The following CACNA2D1 variants were observed in gnomAD, a reference collection of about 807,000 sequenced individuals.
CACNA2D1 encodes calcium voltage-gated channel auxiliary subunit alpha2delta 1, also known as voltage-dependent calcium channel subunit alpha-2/delta-1.
A neutral mutation model predicts 171.5 loss-of-function variants in CACNA2D1; 53 were observed. The ratio of observed to expected loss-of-function variants is 0.31; its 90% CI spans 0.25 to 0.39. CACNA2D1 has a LOEUF of 0.39. CACNA2D1 is among the 10% of genes least tolerant of loss of function. The probability of loss-of-function intolerance (pLI) is 1.00; values close to 1 mark genes in which losing one functional copy is unlikely to be tolerated. For synonymous variants in CACNA2D1, 442 were observed against 443.1 expected, an observed-to-expected ratio of 1.00 and a Z score of 0.03; for missense variants, 903 against 1,299.8, an observed-to-expected ratio of 0.69 and a Z score of 4.69.
intron 3 of CACNA2D1, among the ~76,000 whole-genome samples, chr7:82,225,089 T>A (rs1396091826): frequency 6.6e-6 from 1 of 151,990 alleles, no homozygotes; most frequent in Non-Finnish European, 1.5e-5. Flanking sequence ...AGAAAAAGGG[T>A]CAAATGTAGA....
Position 81,961,978 on chromosome 7 carries a change from C to T in CACNA2D1, c.2882G>A (p.Ser961Asn), listed in dbSNP as rs766113013. ...DDFTASLSKQ[S>N]CITEQTQYFF... The stretch of plus-strand genomic sequence containing the variant: ...ATACTGGGTTTGTTCAGTAATGCAG[C>T]TCTGCTTGGACAGGGAGGCCGTGAA... The change falls in exon 36 of 39, where the codon AGC becomes AAC. Residue 961 changes from serine (S) to asparagine (N), a missense_variant. By Grantham distance (46) the Ser-to-Asn change is conservative. This residue lies in a region of CACNA2D1 where 623 missense variants were observed against 925.5 expected (regional missense o/e 0.67). Transcript: ENST00000356860. The T allele has an allele frequency of 1.2e-6, 2 of 1,612,434 alleles. No individual in the cohort carries two copies. Among genetic ancestry groups the T allele is most frequent in the South Asian group, 2.2e-5 (2 of 91,042 alleles).
chr7:82,037,242 G>A (rs568359480), intron 11 of CACNA2D1, among the ~76,000 whole-genome samples: 6 of 152,308 alleles, frequency 3.9e-5, no homozygotes, highest in African/African-American at 1.4e-4. Flanking sequence ...ACATTGGGAG[G>A]CCAAGGCGGG....
At chr7:82,080,597 T>C (rs752297287) in intron 7 of CACNA2D1, among the ~76,000 whole-genome samples, 3 of 152,212 alleles carry the variant, frequency 2.0e-5, no homozygotes, top group Non-Finnish European at 4.4e-5. Context: ...ATCACAAATA[T>C]TGCATGAAGC....
intron 1 of CACNA2D1, among the ~76,000 whole-genome samples, chr7:82,375,780 G>GATT (rs1267135713): frequency 6.6e-6 from 1 of 152,090 alleles, no homozygotes; most frequent in African/African-American, 2.4e-5. Flanking sequence ...AAATATTATT[G>GATT]ATTTCATTGT....
At chr7:81,995,600 A>T (rs563761162) in intron 19 of CACNA2D1, among the ~76,000 whole-genome samples, 1 of 152,062 alleles carries the variant, frequency 6.6e-6, no homozygotes, top group South Asian at 2.1e-4. Context: ...AGAGTTCGAG[A>T]TCAGCCCAGC....
At chr7:82,325,435 T>C (rs1816528220) in intron 3 of CACNA2D1, among the ~76,000 whole-genome samples, 2 of 152,056 alleles carry the variant, frequency 1.3e-5, no homozygotes, top group Admixed American at 1.3e-4. Context: ...AAAATAATGG[T>C]ACTATGAGAG....
At chr7:82,175,459 T>C (rs1427253414) in intron 3 of CACNA2D1, among the ~76,000 whole-genome samples, 1 of 152,070 alleles carries the variant, frequency 6.6e-6, no homozygotes, top group African/African-American at 2.4e-5. Context: ...ATTATACCTA[T>C]GTTGACAATT....
At chr7:82,059,285 G>T (rs73703110) in intron 10 of CACNA2D1, among the ~76,000 whole-genome samples, 15,831 of 152,088 alleles carry the variant, frequency 0.1, 968 homozygotes, top group Middle Eastern at 0.18. Context: ...ATGACACATG[G>T]TAACATTTGT....
At chr7:82,272,581 T>C (rs1165359903) in intron 3 of CACNA2D1, among the ~76,000 whole-genome samples, 5 of 152,072 alleles carry the variant, frequency 3.3e-5, no homozygotes, top group South Asian at 4.1e-4. Context: ...TTAGGTGTTG[T>C]GGAAAGAAGC....
intron 3 of CACNA2D1, among the ~76,000 whole-genome samples, chr7:82,182,703 A>G (rs1054585488): frequency 2.0e-5 from 3 of 152,166 alleles, no homozygotes; most frequent in Non-Finnish European, 4.4e-5. Context: ...ATTCACATAT[A>G]CATGAATAAG....
intron 3 of CACNA2D1, among the ~76,000 whole-genome samples, chr7:82,276,298 C>G (rs1379693685): frequency 2.6e-5 from 4 of 152,170 alleles, no homozygotes; most frequent in African/African-American, 9.7e-5. Context: ...AAATCAAAAG[C>G]TTGTTTTCCC....
chr7:81,993,879 T>C (rs1797795330), intron 20 of CACNA2D1, among the ~76,000 whole-genome samples: 1 of 152,034 alleles, frequency 6.6e-6, no homozygotes, highest in Admixed American at 6.6e-5. Flanking sequence ...GAATATTACT[T>C]TGTAATCTGA....
At chr7:82,385,928 T>C (rs930701427) in intron 1 of CACNA2D1, among the ~76,000 whole-genome samples, 4 of 152,106 alleles carry the variant, frequency 2.6e-5, no homozygotes, top group African/African-American at 9.7e-5. Flanking sequence ...GCCTCCCAAA[T>C]TGATAGGATT....
At chr7:82,154,139 A>C (rs1014410539) in intron 4 of CACNA2D1, among the ~76,000 whole-genome samples, 1 of 152,218 alleles carries the variant, frequency 6.6e-6, no homozygotes, top group Non-Finnish European at 1.5e-5. Context: ...TAATGTGTGT[A>C]GTTCTCAACA....
At chr7:82,402,439 G>A (rs968013879) in intron 1 of CACNA2D1, among the ~76,000 whole-genome samples, 1 of 152,162 alleles carries the variant, frequency 6.6e-6, no homozygotes, top group Non-Finnish European at 1.5e-5. Flanking sequence ...TGGGCCAGGT[G>A]CAGTGGCCCA....
chr7:82,326,628 T>C (rs1004436297), intron 3 of CACNA2D1, among the ~76,000 whole-genome samples: 1 of 108,550 alleles, frequency 9.2e-6, no homozygotes, highest in Non-Finnish European at 2.3e-5. Flanking sequence ...CTTTCACTCT[T>C]CTCCATCTAA....
At chr7:82,335,426 C>T (rs1323616081) in intron 2 of CACNA2D1, among the ~76,000 whole-genome samples, 175 bp from the exon 3 acceptor site, 3 of 152,082 alleles carry the variant, frequency 2.0e-5, no homozygotes, top group Admixed American at 1.3e-4. Flanking sequence ...TATAAATTTG[C>T]TCTAGGACCA....
At chr7:82,013,424 G>GA in intron 14 of CACNA2D1, 37 bp downstream of exon 14, 7 of 925,774 alleles carry the variant, frequency 7.6e-6, no homozygotes, top group Admixed American at 2.7e-5. Context: ...TCTTTTACTT[G>GA]AAAAAAATAA....
At chr7:82,338,179 CT>C (rs1172745141) in intron 2 of CACNA2D1, among the ~76,000 whole-genome samples, 1 of 151,980 alleles carries the variant, frequency 6.6e-6, no homozygotes, top group Non-Finnish European at 1.5e-5. Context: ...AATTTAATAT[CT>C]AAAAAATGAT....
Sources: gnomAD v4.1 joint callset for allele counts (sites outside exome capture counted in the v4.1 genomes callset) on GRCh38, gnomAD v4.1.1 for gene constraint, gnomAD v4.1.1 regional missense constraint, MANE v1.5 for transcripts, NCBI Gene and HGNC (gene_info 2026-07-23, HGNC 2026-07-21) for gene names.